Variants in SPMIP2 observed in about 807,000 individuals in gnomAD.
The protein encoded by SPMIP2 is protein SPMIP2.
the SPMIP2 span, among the ~76,000 whole-genome samples, chr4:159,014,325 C>G: frequency 7.1e-6 from 1 of 140,038 alleles, no homozygotes; most frequent in African/African-American, 2.5e-5. Flanking sequence ...TGGTGGCTGG[C>G]GCCTATAGTC....
At chr4:158,990,405 C>T in the SPMIP2 span, among the ~76,000 whole-genome samples, 1,603 of 152,192 alleles carry the variant, frequency 0.011, 17 homozygotes, top group Middle Eastern at 0.048. Context: ...ATAAATCATT[C>T]TATTATAAAG....
chr4:159,041,443 T>C, the SPMIP2 span, among the ~76,000 whole-genome samples: 1 of 152,248 alleles, frequency 6.6e-6, no homozygotes, highest in Non-Finnish European at 1.5e-5. Flanking sequence ...TGAGTTGTCA[T>C]CATTAAAAGC....
chr4:159,054,951 G>A, the SPMIP2 span, among the ~76,000 whole-genome samples: 1 of 152,156 alleles, frequency 6.6e-6, no homozygotes, highest in Non-Finnish European at 1.5e-5. Context: ...TGAAGCAGCT[G>A]TATTTAACTT....
the SPMIP2 span, among the ~76,000 whole-genome samples, chr4:159,006,802 AG>A: frequency 6.6e-6 from 1 of 152,218 alleles, no homozygotes; most frequent in Non-Finnish European, 1.5e-5. Context: ...AAACACAGGT[AG>A]GACAACCTCA....
the SPMIP2 span, among the ~76,000 whole-genome samples, chr4:159,051,072 A>T: frequency 6.6e-6 from 1 of 150,782 alleles, no homozygotes; most frequent in Non-Finnish European, 1.5e-5. Flanking sequence ...GCGCCACTGC[A>T]CTCCAGCCTG....
At chr4:158,916,733 T>A in the SPMIP2 span, among the ~76,000 whole-genome samples, 12 of 152,272 alleles carry the variant, frequency 7.9e-5, no homozygotes, top group Admixed American at 2.0e-4. Context: ...AACCACCACC[T>A]CCCAGGTTCA....
the SPMIP2 span, among the ~76,000 whole-genome samples, chr4:159,061,814 TA>T: frequency 1.4e-3 from 194 of 138,952 alleles, no homozygotes; most frequent in Admixed American, 1.5e-3. Flanking sequence ...CAGTCTCAAT[TA>T]AAAAAAAAAA....
At chr4:158,987,252 T>C in the SPMIP2 span, among the ~76,000 whole-genome samples, 1 of 151,734 alleles carries the variant, frequency 6.6e-6, no homozygotes, top group African/African-American at 2.4e-5. Flanking sequence ...GAACTAGAAA[T>C]AGCATTTGAC....
At chr4:158,896,984 A>G in the SPMIP2 span, among the ~76,000 whole-genome samples, 1 of 151,882 alleles carries the variant, frequency 6.6e-6, no homozygotes, top group African/African-American at 2.4e-5. Context: ...TCCTAATGCT[A>G]TCCCACCCCC....
the SPMIP2 span, among the ~76,000 whole-genome samples, chr4:158,986,088 G>A: frequency 3.3e-5 from 5 of 150,968 alleles, no homozygotes; most frequent in Admixed American, 3.3e-4. Flanking sequence ...GGATGTGAAG[G>A]ACCTCTTCAA....
At chr4:158,973,150 C>T in the SPMIP2 span, 7 of 1,612,674 alleles carry the variant, frequency 4.3e-6, no homozygotes, top group South Asian at 3.3e-5. Context: ...CAACCAATTT[C>T]ACTGACGTAC....
chr4:158,899,208 G>A, the SPMIP2 span, among the ~76,000 whole-genome samples: 6 of 152,254 alleles, frequency 3.9e-5, no homozygotes, highest in Middle Eastern at 3.4e-3. Flanking sequence ...CAGCTGGATC[G>A]TGGTGGATAA....
chr4:159,002,595 T>G, the SPMIP2 span, among the ~76,000 whole-genome samples: 1 of 152,182 alleles, frequency 6.6e-6, no homozygotes. Flanking sequence ...AGTTTTAGGT[T>G]TATACATATA....
At chr4:159,082,756 A>G in the SPMIP2 span, among the ~76,000 whole-genome samples, 161 of 152,332 alleles carry the variant, frequency 1.1e-3, 1 homozygote, top group African/African-American at 3.8e-3. Context: ...AATCAATTCA[A>G]TTCAACTACT....
At chr4:159,059,632 C>T in the SPMIP2 span, among the ~76,000 whole-genome samples, 4 of 152,308 alleles carry the variant, frequency 2.6e-5, no homozygotes, top group East Asian at 1.9e-4. Context: ...CTCAGCCTCC[C>T]AAAGTGCTAG....
the SPMIP2 span, among the ~76,000 whole-genome samples, chr4:158,982,384 T>C: frequency 2.0e-5 from 3 of 152,104 alleles, no homozygotes; most frequent in African/African-American, 7.2e-5. Context: ...CTAACAGACA[T>C]CCACAGAACT....
chr4:158,980,147 C>A, the SPMIP2 span, among the ~76,000 whole-genome samples: 1 of 152,126 alleles, frequency 6.6e-6, no homozygotes, highest in Non-Finnish European at 1.5e-5. Context: ...GCCAGACTGC[C>A]TCTCTAGATT....
chr4:158,975,686 AT>A, the SPMIP2 span, among the ~76,000 whole-genome samples: 1 of 152,100 alleles, frequency 6.6e-6, no homozygotes, highest in Admixed American at 6.6e-5. Context: ...GTACCATACT[AT>A]TTTGGTTATG....
At chr4:159,012,337 A>G in the SPMIP2 span, among the ~76,000 whole-genome samples, 1 of 152,184 alleles carries the variant, frequency 6.6e-6, no homozygotes, top group Non-Finnish European at 1.5e-5. Flanking sequence ...TTGATGTATG[A>G]GCTACATGAT....
Sources: allele counts gnomAD v4.1 joint callset (sites outside exome capture counted in the v4.1 genomes callset), GRCh38; gene constraint gnomAD v4.1.1; transcripts MANE v1.5; gene names NCBI Gene and HGNC (gene_info 2026-07-23, HGNC 2026-07-21).